UPK2: variants seen among roughly 807,000 people sequenced by gnomAD.
UPK2 encodes the protein uroplakin 2.
In UPK2, 19 loss-of-function variants were observed where a neutral mutation model predicts 14.8. That is an observed-to-expected ratio of 1.29 (90% CI 0.90 to 1.89). The LOEUF (loss-of-function observed/expected upper bound fraction) is 1.89. Ranked by LOEUF, UPK2 falls within the 40% of genes most tolerant of loss-of-function variation. The pLI, the probability that UPK2 is intolerant of heterozygous loss-of-function variation, is 0.00. For synonymous variants in UPK2, 102 were observed against 101.6 expected, an observed-to-expected ratio of 1.00 and a Z score of -0.02; for missense variants, 232 against 236.0, an observed-to-expected ratio of 0.98 and a Z score of 0.11.
intron 4 of UPK2, 91 bp downstream of exon 4, chr11:118,957,759 T>G (rs1941576349): frequency 6.7e-7 from 1 of 1,492,638 alleles, no homozygotes; most frequent in Non-Finnish European, 9.2e-7. Flanking sequence ...GGGTTGCCTG[T>G]GCCTCCCCGT....
Position 118,958,508 on chromosome 11 carries a change from CA to C in UPK2, c.*276del, listed in dbSNP as rs1344074205. On this transcript the variant is annotated 3_prime_UTR_variant, in exon 5 of 5. Coordinates refer to ENST00000264031, the MANE Select transcript of UPK2 (RefSeq NM_006760.4). This position sits in a 1 kb window ranked among gnomAD's most constrained non-coding sequence, Gnocchi z 4.6. ...TTAAACACCCCCATAACAATTCCCC[CA>C]TCCTTCAGTGAACTAAGTCCCTATA... 1 of 403,082 alleles carries C rather than the reference CA, an allele frequency of 2.5e-6. No homozygotes were observed. Among genetic ancestry groups the C allele is most frequent in the African/African-American group, 2.0e-5 (1 of 50,596 alleles). The allele number at this position is 403,082 out of a possible 1,614,324, so 25.0% of individuals were successfully genotyped here.
At chr11:118,957,391 G>T in intron 3 of UPK2, 45 bp downstream of exon 3, 1 of 1,605,800 alleles carries the variant, frequency 6.2e-7, no homozygotes. Context: ...AGGGGGTGCA[G>T]GAAGAGAGAG....
intron 4 of UPK2, 142 bp downstream of exon 4, chr11:118,957,810 A>G (rs1344287325): frequency 1.0e-6 from 1 of 979,590 alleles, no homozygotes; most frequent in Non-Finnish European, 1.5e-6. Context: ...CTAGCACGGA[A>G]CCTTCGGCAT....
chr11:118,956,658 C>T lies in UPK2; in HGVS notation c.77-225C>T, dbSNP rs539660851. On this transcript the variant is annotated intron_variant, in intron 1 of 4. Coordinates refer to ENST00000264031, the MANE Select transcript of UPK2 (RefSeq NM_006760.4). This position sits in a 1 kb window ranked among gnomAD's most constrained non-coding sequence, Gnocchi z 4.1. ...TGCTGCGGGGAGGGGTGAGGTTGGGCGCTGCCCGACTCCTGGCATCCAGGT... is the reference window on the plus strand; with the variant it reads ...TGCTGCGGGGAGGGGTGAGGTTGGGTGCTGCCCGACTCCTGGCATCCAGGT... Among the ~76,000 whole-genome samples, 2 of 152,198 alleles carry T rather than the reference C, an allele frequency of 1.3e-5. No individual in the cohort carries two copies. The highest frequency in any genetic ancestry group is 2.1e-4 in the South Asian group (1 of 4,826).
Position 118,956,369 on chromosome 11 carries a change from A to G in UPK2, c.19A>G (p.Ile7Val). The G allele has an allele frequency of 6.2e-7, 1 of 1,611,608 alleles. No individual in the cohort carries two copies. The highest frequency in any genetic ancestry group is 1.1e-5 in the South Asian group (1 of 91,074). The change falls in exon 1 of 5, where the codon ATC becomes GTC. Residue 7 changes from isoleucine to valine, a missense_variant. Ile to Val is a conservative substitution (Grantham distance 29). Coordinates refer to ENST00000264031, the MANE Select transcript of UPK2 (RefSeq NM_006760.4). The surrounding 1 kb of genome is among the most constrained non-coding windows in gnomAD (Gnocchi z 4.1). MAPLLPIRTLPLILILL... is the reference protein window; with the variant it reads MAPLLPVRTLPLILILL... ...GCCCAGCATGGCACCCCTGCTGCCCATCCGGACCTTGCCCTTGATCCTGAT... is the reference window on the plus strand; with the variant it reads ...GCCCAGCATGGCACCCCTGCTGCCCGTCCGGACCTTGCCCTTGATCCTGAT...
chr11:118,957,014 G>C lies in UPK2; in HGVS notation c.208G>C (p.Val70Leu). 1 of 1,613,990 alleles carries C rather than the reference G, an allele frequency of 6.2e-7. No individual in the cohort carries two copies. The highest frequency in any genetic ancestry group is 8.5e-7 in the Non-Finnish European group (1 of 1,179,996). ...GGTCCGGAGAGCCAATGACAGCAAA[G>C]GTCTGCTACCTTCTCCCAAGGCATC... Reference protein sequence around the residue: ...LMVRRANDSKVVTSSFVVPPC... With the variant: ...LMVRRANDSKLVTSSFVVPPC... The change falls in exon 2 of 5, where the codon GTG (valine) becomes CTG (leucine). Residue 70 changes from valine to leucine, a missense_variant and splice_region_variant. Physicochemically the swap from Val to Leu is conservative, Grantham distance 32. Transcript: ENST00000264031.
At position 118,958,494 on chromosome 11, in the gene UPK2, C is replaced by T. The variant is rs1340780179; in HGVS notation, c.*261C>T. On this transcript the variant is annotated 3_prime_UTR_variant, in exon 5 of 5. Transcript: ENST00000264031. The surrounding 1 kb of genome is among the most constrained non-coding windows in gnomAD (Gnocchi z 4.6). The stretch of plus-strand genomic sequence containing the variant: ...CCCATTTTACCACTTTAAACACCCC[C>T]ATAACAATTCCCCCATCCTTCAGTG... 4.4e-6 allele frequency: 2 copies of T among 450,678 alleles called. No homozygotes were observed. The highest frequency in any genetic ancestry group is 3.9e-5 in the African/African-American group (2 of 51,720). The allele number at this position is 450,678 out of a possible 1,614,324, so 27.9% of individuals were successfully genotyped here.
intron 2 of UPK2, 27 bp from the exon 3 acceptor site, chr11:118,957,181 T>C (rs375202080): frequency 3.9e-5 from 63 of 1,613,814 alleles, no homozygotes; most frequent in Non-Finnish European, 5.3e-5. Context: ...CTTGACCCAG[T>C]CTTCCCCTCC....
At position 118,956,381 on chromosome 11, in the gene UPK2, C is replaced by T. The variant is rs1941562655; in HGVS notation, c.31C>T (p.Pro11Ser). The T allele has an allele frequency of 6.2e-7, 1 of 1,611,402 alleles. No homozygotes were observed. Among genetic ancestry groups the T allele is most frequent in the African/African-American group, 1.3e-5 (1 of 75,048 alleles). ...ACCCCTGCTGCCCATCCGGACCTTG[C>T]CCTTGATCCTGATTCTGCTGGCTCT... MAPLLPIRTL[P>S]LILILLALLS... Residue 11 changes from proline to serine, a missense_variant, in exon 1 of 5, where the codon CCC becomes TCC. Coordinates refer to ENST00000264031, the MANE Select transcript of UPK2 (RefSeq NM_006760.4). The surrounding 1 kb of genome is among the most constrained non-coding windows in gnomAD (Gnocchi z 4.1).
intron 2 of UPK2, 39 bp from the exon 3 acceptor site, chr11:118,957,169 A>C: frequency 6.2e-7 from 1 of 1,613,590 alleles, no homozygotes; most frequent in Non-Finnish European, 8.5e-7. Flanking sequence ...GGCCTCCAGA[A>C]ACTTGACCCA....
intron 2 of UPK2, 62 bp from the exon 3 acceptor site, chr11:118,957,146 C>A: frequency 1.9e-6 from 3 of 1,612,306 alleles, no homozygotes; most frequent in Non-Finnish European, 1.7e-6. Context: ...TAAAAGCTGC[C>A]CCTTCTCCTT....
rs530859974 is a variant in UPK2, at chr11:118,958,226, G to A, written c.548G>A (p.Arg183His). 5.0e-5 allele frequency: 81 copies of A among 1,612,854 alleles called. No homozygotes were observed. The highest frequency in any genetic ancestry group is 1.7e-4 in the Middle Eastern group (1 of 6,028). Residue 183 changes from arginine (R) to histidine (H), a missense_variant, in exon 5 of 5, where the codon CGC (arginine) becomes CAC (histidine). Coordinates refer to ENST00000264031, the MANE Select transcript of UPK2 (RefSeq NM_006760.4). This position sits in a 1 kb window ranked among gnomAD's most constrained non-coding sequence, Gnocchi z 4.6. ...ATCATTGCCCTGGCACTGGGCTCCC[G>A]CAAGTAAGGAGGTCTGCCCGGAGCA... ...GFIIALALGS[R>H]K
In UPK2 at chr11:118,957,337, C is replaced by G. The variant is rs781145513; in HGVS notation, c.338C>G (p.Thr113Ser). 4 of 1,613,970 alleles carry G rather than the reference C, an allele frequency of 2.5e-6. No individual in the cohort carries two copies. In the East Asian group the frequency reaches 8.9e-5, roughly 36 times the overall value. The change falls in exon 3 of 5, where the codon ACC (threonine) becomes AGC (serine). Residue 113 changes from threonine (T) to serine (S), a missense_variant. Thr to Ser is a moderately conservative substitution (Grantham distance 58). Coordinates refer to ENST00000264031, the MANE Select transcript of UPK2 (RefSeq NM_006760.4). ...AYQVTNLVPG[T>S]KFYISYLVKK... Reference sequence around the variant, plus strand: ...CAGGTGACAAACCTCGTGCCAGGAACCAAATTCTAGTAGGTACTGGGTCCA... The same window carrying G: ...CAGGTGACAAACCTCGTGCCAGGAAGCAAATTCTAGTAGGTACTGGGTCCA...
Position 118,958,034 on chromosome 11 carries a change from C to T in UPK2, c.419-63C>T, listed in dbSNP as rs116310503. ...TCTGTTGGCTGGATGAGTGTGAGGC[C>T]GTGAGCCTCAGGCAGGCTGGGGGTC... On this transcript the variant is annotated intron_variant, in intron 4 of 4. Coordinates refer to ENST00000264031, the MANE Select transcript of UPK2 (RefSeq NM_006760.4). The surrounding 1 kb of genome is among the most constrained non-coding windows in gnomAD (Gnocchi z 4.6). 2,968 of 1,553,546 alleles carry T rather than the reference C, an allele frequency of 1.9e-3. 49 individuals are homozygous for T. In the African/African-American group the frequency reaches 0.035, roughly 18 times the overall value.
chr11:118,956,991 T>C lies in UPK2; in HGVS notation c.185T>C (p.Val62Ala), dbSNP rs1941568292. Reference protein sequence around the residue: ...HLTGGNATLMVRRANDSKVVT... With the variant: ...HLTGGNATLMARRANDSKVVT... ...ACAGGAGGCAATGCCACACTGATGG[T>C]CCGGAGAGCCAATGACAGCAAAGGT... The change falls in exon 2 of 5, where the codon GTC (valine) becomes GCC (alanine). Residue 62 changes from valine to alanine, a missense_variant. Transcript: ENST00000264031. The surrounding 1 kb of genome is among the most constrained non-coding windows in gnomAD (Gnocchi z 4.1). 6.2e-7 allele frequency: 1 copy of C among 1,613,840 alleles called. No homozygotes were observed. Among genetic ancestry groups the C allele is most frequent in the Non-Finnish European group, 8.5e-7 (1 of 1,179,984 alleles).
Position 118,956,427 on chromosome 11 carries a change from G to A in UPK2, c.76+1G>A, listed in dbSNP as rs201841231. On this transcript the variant is annotated splice_donor_variant, in intron 1 of 4. Transcript: ENST00000264031. LOFTEE classifies it high-confidence loss of function. The surrounding 1 kb of genome is among the most constrained non-coding windows in gnomAD (Gnocchi z 4.1). ...GCTCTGCTGTCCCCAGGGGCTGCAGGTCTCTTCCATCTCTGGCAGGGGTGG... is the reference window on the plus strand; with the variant it reads ...GCTCTGCTGTCCCCAGGGGCTGCAGATCTCTTCCATCTCTGGCAGGGGTGG... The A allele has an allele frequency of 6.3e-5, 101 of 1,606,358 alleles. No homozygotes were observed. Among genetic ancestry groups the A allele is most frequent in the Non-Finnish European group, 8.2e-5 (97 of 1,178,956 alleles).
Position 118,958,132 on chromosome 11 carries a change from C to T in UPK2, c.454C>T (p.Arg152Cys), listed in dbSNP as rs137900462. ...NMESIGLGMARTGGMVVITVL... is the reference protein window; with the variant it reads ...NMESIGLGMACTGGMVVITVL... ...GGAATCCATTGGGCTGGGTATGGCC[C>T]GCACAGGGGGCATGGTGGTCATCAC... is the stretch of plus-strand genomic sequence containing the variant. Residue 152 changes from arginine (R) to cysteine (C), a missense_variant, in exon 5 of 5, where the codon CGC becomes TGC. Physicochemically the swap from Arg to Cys is radical, Grantham distance 180. Transcript: ENST00000264031. This position sits in a 1 kb window ranked among gnomAD's most constrained non-coding sequence, Gnocchi z 4.6. 576 of 1,613,930 alleles carry T rather than the reference C, an allele frequency of 3.6e-4. 7 individuals carry two copies. In the East Asian group the frequency reaches 0.012, roughly 33 times the overall value.
chr11:118,956,861 G>A lies in UPK2; in HGVS notation c.77-22G>A. 1 of 1,613,586 alleles carries A rather than the reference G, an allele frequency of 6.2e-7. No homozygotes were observed. ...CCAGGAGGGGTCAGTCCCCATCGGAGCTCCCTCCTGCCTCCCATCAGACTT... is the reference window on the plus strand; with the variant it reads ...CCAGGAGGGGTCAGTCCCCATCGGAACTCCCTCCTGCCTCCCATCAGACTT... On this transcript the variant is annotated intron_variant, in intron 1 of 4. Coordinates refer to ENST00000264031, the MANE Select transcript of UPK2 (RefSeq NM_006760.4). The surrounding 1 kb of genome is among the most constrained non-coding windows in gnomAD (Gnocchi z 4.1).
rs1488746601 is a variant in UPK2 at position 118,958,404 on chromosome 11, C to A, written c.*171C>A. On this transcript the variant is annotated 3_prime_UTR_variant, in exon 5 of 5. Transcript: ENST00000264031. The surrounding 1 kb of genome is among the most constrained non-coding windows in gnomAD (Gnocchi z 4.6). ...CTCCCTCTGTCCCTCTCCTTGCCCC[C>A]AGTGCCTCACCTTCCAACACTCCAT... The A allele has an allele frequency of 1.4e-5, 10 of 691,060 alleles. No individual in the cohort carries two copies. In the East Asian group the frequency reaches 2.8e-4, roughly 19 times the overall value. 42.8% of individuals were successfully genotyped at this position (691,060 alleles called of 1,614,324 possible).
Sources: gnomAD v4.1 joint callset for allele counts (sites outside exome capture counted in the v4.1 genomes callset) on GRCh38, gnomAD v4.1.1 for gene constraint, Gnocchi (gnomAD v3.1) non-coding constraint, MANE v1.5 for transcripts, NCBI Gene and HGNC (gene_info 2026-07-23, HGNC 2026-07-21) for gene names.